FLRT3: variants seen among roughly 807,000 people sequenced by gnomAD.
The protein encoded by FLRT3 is fibronectin leucine rich transmembrane protein 3, also known as leucine-rich repeat transmembrane protein FLRT3.
In FLRT3, 17 loss-of-function variants were observed where a neutral mutation model predicts 42.6. The ratio of observed to expected loss-of-function variants is 0.40; its 90% confidence interval spans 0.27 to 0.60. The LOEUF (loss-of-function observed/expected upper bound fraction) is 0.60. Among genes scored for constraint, FLRT3 ranks in the 20% least tolerant of loss-of-function variants. The pLI, the probability that FLRT3 is intolerant of heterozygous loss-of-function variation, is 0.44. For synonymous variants in FLRT3, 279 were observed against 286.4 expected (o/e 0.97, Z 0.26); for missense variants, 635 against 789.2 (o/e 0.80, Z 2.34).
Position 14,325,681 on chromosome 20 carries a change from A to C in FLRT3, c.1826T>G (p.Phe609Cys), listed in dbSNP as rs1349913236. The C allele has an allele frequency of 6.2e-7, 1 of 1,613,838 alleles. No individual in the cohort carries two copies. The highest frequency in any genetic ancestry group is 1.1e-5 in the South Asian group (1 of 91,082). Residue 609 changes from phenylalanine to cysteine, a missense_variant, in exon 3 of 3, where the codon TTT becomes TGT. Physicochemically the swap from Phe to Cys is radical, Grantham distance 205 (BLOSUM62 -2). Coordinates refer to ENST00000341420, the MANE Select transcript of FLRT3 (RefSeq NM_198391.3). ...ISNEPISKEE[F>C]VIHTIFPPNG... ...AGGAGGAAATATGGTGTGTATTACA[A>C]ACTCCTCCTTCGAGATGGGTTCATT...
Position 14,326,105 on chromosome 20 carries a change from C to T in FLRT3, c.1402G>A (p.Ala468Thr). The T allele has an allele frequency of 1.2e-6, 2 of 1,613,906 alleles. No individual in the cohort carries two copies. The highest frequency in any genetic ancestry group is 1.3e-5 in the African/African-American group (1 of 75,042). Reference protein sequence around the residue: ...TGERSEYLVTALEPDSPYKVC... With the variant: ...TGERSEYLVTTLEPDSPYKVC... ...TTATAGGGTGAATCAGGCTCCAGGG[C>T]TGTGACCAAGTACTCACTGCGTTCC... The change falls in exon 3 of 3, where the codon GCC becomes ACC. Residue 468 changes from alanine to threonine, a missense_variant. Ala to Thr is a moderately conservative substitution (Grantham distance 58). Transcript: ENST00000341420. This position sits in a 1 kb window ranked among gnomAD's most constrained non-coding sequence, Gnocchi z 5.5.
intron 1 of FLRT3, among the ~76,000 whole-genome samples, chr20:14,336,250 T>C (rs182725713): frequency 8.4e-4 from 128 of 152,178 alleles, no homozygotes; most frequent in African/African-American, 2.8e-3. Flanking sequence ...GATTTATTAA[T>C]AGACAGATTT....
rs1297781287 is a variant in FLRT3 at position 14,327,240 on chromosome 20, G to A, written c.267C>T (p.Tyr89=). Residue 89 remains tyrosine (Y), a synonymous_variant, in exon 3 of 3, where the codon TAC becomes TAT. Coordinates refer to ENST00000341420, the MANE Select transcript of FLRT3 (RefSeq NM_198391.3). ...LKNLLKVERI[Y]LYHNSLDEFP... ...ATTCATCTAAACTGTTGTGGTATAG[G>A]TATATTCTTTCTACTTTCAGCAAGT... is the stretch of plus-strand genomic sequence containing the variant. 4 of 1,613,592 alleles carry A rather than the reference G, an allele frequency of 2.5e-6. No homozygotes were observed. Among genetic ancestry groups the A allele is most frequent in the Admixed American group, 1.7e-5 (1 of 59,958 alleles).
chr20:14,337,332 G>A (rs1379269231), intron 1 of FLRT3, 72 bp downstream of exon 1: 3 of 330,780 alleles, frequency 9.1e-6, no homozygotes, highest in East Asian at 4.5e-5. Flanking sequence ...GTATCAAGTC[G>A]TTTCTTTCTA....
chr20:14,336,260 T>C (rs1231534206), intron 1 of FLRT3, among the ~76,000 whole-genome samples: 2 of 152,150 alleles, frequency 1.3e-5, no homozygotes, highest in Non-Finnish European at 2.9e-5. Flanking sequence ...TAGACAGATT[T>C]ATTAAGAATG....
intron 1 of FLRT3, 101 bp downstream of exon 1, chr20:14,337,303 C>T (rs1568565885): frequency 3.3e-6 from 1 of 298,630 alleles, no homozygotes; most frequent in South Asian, 1.6e-4. Flanking sequence ...AGCAAACGTT[C>T]CTATTTGGAT....
In FLRT3 at chr20:14,329,513, C is replaced by A. The variant is rs17263667; in HGVS notation, c.-246-186G>T. On this transcript the variant is annotated intron_variant, in intron 1 of 2. Coordinates refer to ENST00000341420, the MANE Select transcript of FLRT3 (RefSeq NM_198391.3). Reference sequence around the variant, plus strand: ...TTTCTTATACAAATAAAGTAGGAGCCAAAGTTGAGATTGTCATCAAACAGA... The same window carrying A: ...TTTCTTATACAAATAAAGTAGGAGCAAAAGTTGAGATTGTCATCAAACAGA... Among the ~76,000 whole-genome samples, 408 of 152,044 alleles carry A rather than the reference C, an allele frequency of 2.7e-3. 7 individuals are homozygous for A. The highest frequency in any genetic ancestry group is 0.019 in the Admixed American group (294 of 15,228).
chr20:14,336,200 T>C (rs1292269542), intron 1 of FLRT3, among the ~76,000 whole-genome samples: 3 of 152,158 alleles, frequency 2.0e-5, no homozygotes, highest in African/African-American at 7.2e-5. Flanking sequence ...ATTTATGTTG[T>C]TTCTGGATAA....
At position 14,326,343 on chromosome 20, in the gene FLRT3, C is replaced by T; in HGVS notation, c.1164G>A (p.Gln388=). Residue 388 remains glutamine (Q), a synonymous_variant, in exon 3 of 3, where the codon CAG becomes CAA. Transcript: ENST00000341420. The surrounding 1 kb of genome is among the most constrained non-coding windows in gnomAD (Gnocchi z 5.5). ...TGAGCTTGGGGTTCTTAATATCTGG[C>T]TGTTTGGTCACTGGAGCTGGCCACT... is the stretch of plus-strand genomic sequence containing the variant. The part of the protein sequence containing the change: ...QGQWPAPVTK[Q]PDIKNPKLTK... 6.2e-7 allele frequency: 1 copy of T among 1,613,870 alleles called. No individual in the cohort carries two copies. Among genetic ancestry groups the T allele is most frequent in the African/African-American group, 1.3e-5 (1 of 75,012 alleles).
chr20:14,326,152 A>G lies in FLRT3; in HGVS notation c.1355T>C (p.Ile452Thr), dbSNP rs1183225990. ...KLGHSPAFGS[I>T]TETIVTGERS... The stretch of plus-strand genomic sequence containing the variant: ...TTCCCCTGTTACAATTGTTTCTGTT[A>G]TAGATCCAAATGCCGGGCTATGGCC... Residue 452 changes from isoleucine (I) to threonine (T), a missense_variant, in exon 3 of 3, where the codon ATA (isoleucine) becomes ACA (threonine). Ile to Thr is a moderately conservative substitution (Grantham distance 89). Coordinates refer to ENST00000341420, the MANE Select transcript of FLRT3 (RefSeq NM_198391.3). This position sits in a 1 kb window ranked among gnomAD's most constrained non-coding sequence, Gnocchi z 5.5. 3.7e-6 allele frequency: 6 copies of G among 1,613,798 alleles called. No individual in the cohort carries two copies. Among genetic ancestry groups the G allele is most frequent in the Non-Finnish European group, 5.1e-6 (6 of 1,179,894 alleles).
Position 14,326,141 on chromosome 20 carries a change from T to C in FLRT3, c.1366A>G (p.Ile456Val), listed in dbSNP as rs1181076103. Residue 456 changes from isoleucine (I) to valine (V), a missense_variant, in exon 3 of 3, where the codon ATT (isoleucine) becomes GTT (valine). By Grantham distance (29) the Ile-to-Val change is conservative. Coordinates refer to ENST00000341420, the MANE Select transcript of FLRT3 (RefSeq NM_198391.3). The surrounding 1 kb of genome is among the most constrained non-coding windows in gnomAD (Gnocchi z 5.5). ...TACTCACTGCGTTCCCCTGTTACAA[T>C]TGTTTCTGTTATAGATCCAAATGCC... is the stretch of plus-strand genomic sequence containing the variant. ...SPAFGSITET[I>V]VTGERSEYLV... The C allele has an allele frequency of 1.2e-6, 2 of 1,613,916 alleles. No homozygotes were observed. The highest frequency in any genetic ancestry group is 1.7e-6 in the Non-Finnish European group (2 of 1,179,880).
rs186363965 is a variant in FLRT3, at chr20:14,323,197, C to T, written c.*2360G>A. On this transcript the variant is annotated 3_prime_UTR_variant, in exon 3 of 3. Transcript: ENST00000341420. ...AGGGCTTATTCCCACAAAACTGCCT[C>T]CTCTTCAGACACCAGTTGCAAGACT... The T allele has an allele frequency of 7.5e-4, 114 of 152,318 alleles. No individual in the cohort carries two copies. Among genetic ancestry groups the T allele is most frequent in the African/African-American group, 2.6e-3 (106 of 41,568 alleles). The allele number at this position is 152,318 out of a possible 1,614,324, so 9.4% of individuals were successfully genotyped here. A position where few individuals can be genotyped will look rare whatever the true frequency, so the allele number is the denominator to read the frequency against.
In FLRT3 at chr20:14,327,469, G is replaced by A. The variant is rs766102590; in HGVS notation, c.38C>T (p.Thr13Ile). 7 of 1,613,124 alleles carry A rather than the reference G, an allele frequency of 4.3e-6. No homozygotes were observed. The African/African-American group carries it at 8.0e-5, about 18-fold the overall frequency. The change falls in exon 3 of 3, where the codon ACT becomes ATT. Residue 13 changes from threonine to isoleucine, a missense_variant. Transcript: ENST00000341420. ...TACTTGAAGGAACAGCCCAATTTTA[G>A]TCCCGATGAGGAAGATGCTCCAGGC... ...SAAWSIFLIG[T>I]KIGLFLQVAP...
intron 1 of FLRT3, among the ~76,000 whole-genome samples, chr20:14,334,659 G>C (rs1033261785): frequency 6.6e-6 from 1 of 151,844 alleles, no homozygotes; most frequent in Non-Finnish European, 1.5e-5. Context: ...GGCAAAAGGT[G>C]GGGGGTGGGA....
chr20:14,333,707 C>T (rs570463132), intron 1 of FLRT3, among the ~76,000 whole-genome samples: 1 of 152,262 alleles, frequency 6.6e-6, no homozygotes, highest in South Asian at 2.1e-4. Flanking sequence ...TCAGCAAATA[C>T]ATTTATTTTA....
In FLRT3 at chr20:14,327,080, C is replaced by G; in HGVS notation, c.427G>C (p.Val143Leu). 1.2e-6 allele frequency: 2 copies of G among 1,613,736 alleles called. No homozygotes were observed. The highest frequency in any genetic ancestry group is 1.7e-6 in the Non-Finnish European group (2 of 1,179,766). The change falls in exon 3 of 3, where the codon GTT (valine) becomes CTT (leucine). Residue 143 changes from valine to leucine, a missense_variant. Physicochemically the swap from Val to Leu is conservative, Grantham distance 32. Transcript: ENST00000341420. ...CGGAATGCTCCCTCTTCTATGCTAA[C>G]TGCAGAGACAGAGTTGTCATCTAAA... ...LHLDDNSVSA[V>L]SIEEGAFRDS... is the part of the protein sequence containing the mutation.
At position 14,325,700 on chromosome 20, in the gene FLRT3, G is replaced by T; in HGVS notation, c.1807C>A (p.Pro603Thr). 1.2e-6 allele frequency: 2 copies of T among 1,613,884 alleles called. No individual in the cohort carries two copies. The highest frequency in any genetic ancestry group is 3.3e-5 in the Admixed American group (2 of 60,000). Reference protein sequence around the residue: ...SFQMLPISNEPISKEEFVIHT... With the variant: ...SFQMLPISNETISKEEFVIHT... The stretch of plus-strand genomic sequence containing the variant: ...ATTACAAACTCCTCCTTCGAGATGG[G>T]TTCATTGCTTATTGGTAACATCTGA... The change falls in exon 3 of 3, where the codon CCC becomes ACC. Residue 603 changes from proline to threonine, a missense_variant. Physicochemically the swap from Pro to Thr is conservative, Grantham distance 38 (BLOSUM62 -1). Transcript: ENST00000341420.
At position 14,327,373 on chromosome 20, in the gene FLRT3, T is replaced by A; in HGVS notation, c.134A>T (p.Asn45Ile). ...CRCDAGFIYC[N>I]DRFLTSIPTG... ...TGGAATGGATGTCAGAAAGCGATCATTACAGTAAATGAAACCCGCATCGCA... is the reference window on the plus strand; with the variant it reads ...TGGAATGGATGTCAGAAAGCGATCAATACAGTAAATGAAACCCGCATCGCA... The change falls in exon 3 of 3, where the codon AAT (asparagine) becomes ATT (isoleucine). Residue 45 changes from asparagine (N) to isoleucine (I), a missense_variant. Asn to Ile is a moderately radical substitution (Grantham distance 149). Coordinates refer to ENST00000341420, the MANE Select transcript of FLRT3 (RefSeq NM_198391.3). 1 of 1,613,730 alleles carries A rather than the reference T, an allele frequency of 6.2e-7. No homozygotes were observed. The highest frequency in any genetic ancestry group is 8.5e-7 in the Non-Finnish European group (1 of 1,179,728).
rs1470281071 is a variant in FLRT3, at chr20:14,323,521, G to A, written c.*2036C>T. 6.6e-6 allele frequency: 1 copy of A among 152,030 alleles called. No individual in the cohort carries two copies. The highest frequency in any genetic ancestry group is 2.4e-5 in the African/African-American group (1 of 41,384). 9.4% of individuals were successfully genotyped at this position (152,030 alleles called of 1,614,324 possible). A position where few individuals can be genotyped will look rare whatever the true frequency, so the allele number is the denominator to read the frequency against. On this transcript the variant is annotated 3_prime_UTR_variant, in exon 3 of 3. Transcript: ENST00000341420. ...ATAGGCATGCTTGATTAAACCACTG[G>A]TCACTGGTGATCAACTTAATCTTCA...
Sources: allele counts gnomAD v4.1 joint callset (sites outside exome capture counted in the v4.1 genomes callset), GRCh38; gene constraint gnomAD v4.1.1; non-coding constraint Gnocchi (gnomAD v3.1); transcripts MANE v1.5; gene names NCBI Gene and HGNC (gene_info 2026-07-23, HGNC 2026-07-21).